Variants in ANKHD1 observed in about 807,000 individuals in gnomAD.
The protein encoded by ANKHD1 is ankyrin repeat and KH domain-containing protein 1.
In ANKHD1, 31 loss-of-function variants were observed where a neutral mutation model predicts 230.5. That is an observed-to-expected ratio of 0.13 (90% confidence interval 0.10 to 0.18). ANKHD1 has a LOEUF of 0.18. ANKHD1 is among the 10% of genes least tolerant of loss of function. ANKHD1 has a pLI of 1.00. For synonymous variants in ANKHD1, 1,074 were observed against 1,117.6 expected, an observed-to-expected ratio of 0.96 and a Z score of 0.78; for missense variants, 2,256 against 3,071.3, an observed-to-expected ratio of 0.73 and a Z score of 6.27.
At chr5:140,466,191 A>G (rs1476382682) in intron 10 of ANKHD1, among the ~76,000 whole-genome samples, 1 of 152,096 alleles carries the variant, frequency 6.6e-6, no homozygotes, top group Non-Finnish European at 1.5e-5. Context: ...CAGGTGTTAA[A>G]GACCAGCCGG....
At chr5:140,526,742 C>T (rs1461490426) in intron 26 of ANKHD1, among the ~76,000 whole-genome samples, 186 bp from the exon 27 acceptor site, 1 of 152,106 alleles carries the variant, frequency 6.6e-6, no homozygotes, top group Non-Finnish European at 1.5e-5. Context: ...GCATCTGAAT[C>T]CATTTTAATA....
Position 140,526,333 on chromosome 5 carries a change from A to C in ANKHD1, c.4830A>C (p.Lys1610Asn). The change falls in exon 26 of 34, where the codon AAA becomes AAC. Residue 1610 changes from lysine to asparagine, a missense_variant. Transcript: ENST00000360839. ...DCNSESSSGG[K>N]SQELNFVMDV... The stretch of plus-strand genomic sequence containing the variant: ...ACAGTGAGAGTAGCAGTGGTGGTAA[A>C]AGCCAAGAGTTAAATTTTGTGATGG... The C allele has an allele frequency of 6.2e-7, 1 of 1,614,180 alleles. No individual in the cohort carries two copies. The highest frequency in any genetic ancestry group is 8.5e-7 in the Non-Finnish European group (1 of 1,180,020).
chr5:140,479,788 G>A (rs143832802), intron 10 of ANKHD1, among the ~76,000 whole-genome samples: 21 of 149,472 alleles, frequency 1.4e-4, no homozygotes, highest in African/African-American at 4.9e-4. Context: ...ATATGTGTGT[G>A]TGTATATAAT....
At chr5:140,460,482 C>T (rs1262850525) in intron 9 of ANKHD1, among the ~76,000 whole-genome samples, 1 of 151,930 alleles carries the variant, frequency 6.6e-6, no homozygotes, top group African/African-American at 2.4e-5. Context: ...TCAGTTTTTC[C>T]TTTGAATTAT....
rs201801096 is a variant in ANKHD1, at chr5:140,524,254, C to T, written c.4492+14C>T. On this transcript the variant is annotated intron_variant, in intron 25 of 33. Coordinates refer to ENST00000360839, the MANE Select transcript of ANKHD1 (RefSeq NM_017747.3). ...ATGATGAAGATGGTGAGAAACAAAC[C>T]ATCTGAATTAACGATAAAATTCTCC... is the stretch of plus-strand genomic sequence containing the variant. The T allele has an allele frequency of 4.3e-5, 67 of 1,550,330 alleles. No individual in the cohort carries two copies. The East Asian group carries it at 1.4e-3, about 31-fold the overall frequency.
At position 140,401,835 on chromosome 5, in the gene ANKHD1, T is replaced by A; in HGVS notation, c.-133T>A. On this transcript the variant is annotated 5_prime_UTR_variant, in exon 1 of 34. Transcript: ENST00000360839. ...GGGCGGGAGGCAGCAGGTTAGGCAGTGAGAAGTTAGTGGCGCTGCTGGGAC... is the reference window on the plus strand; with the variant it reads ...GGGCGGGAGGCAGCAGGTTAGGCAGAGAGAAGTTAGTGGCGCTGCTGGGAC... 1 of 1,379,928 alleles carries A rather than the reference T, an allele frequency of 7.2e-7. No homozygotes were observed. Among genetic ancestry groups the A allele is most frequent in the Non-Finnish European group, 9.4e-7 (1 of 1,067,728 alleles). 85.5% of individuals were successfully genotyped at this position (1,379,928 alleles called of 1,614,324 possible).
chr5:140,427,602 C>A (rs1392274432), intron 1 of ANKHD1, among the ~76,000 whole-genome samples: 1 of 139,820 alleles, frequency 7.2e-6, no homozygotes, highest in South Asian at 2.3e-4. Flanking sequence ...GGGGGGCTGA[C>A]GCCCCCACCT....
At chr5:140,433,414 C>T (rs1244656315) in intron 1 of ANKHD1, among the ~76,000 whole-genome samples, 2 of 152,184 alleles carry the variant, frequency 1.3e-5, no homozygotes, top group Non-Finnish European at 2.9e-5. Context: ...AAATATACTT[C>T]CTCTTCTGCC....
intron 14 of ANKHD1, among the ~76,000 whole-genome samples, chr5:140,493,775 A>C (rs947746566): frequency 1.1e-4 from 16 of 152,242 alleles, no homozygotes; most frequent in African/African-American, 2.6e-4. Context: ...TAGTTTGTCT[A>C]TTCATAAATT....
intron 7 of ANKHD1, among the ~76,000 whole-genome samples, chr5:140,455,804 C>G (rs1775134696): frequency 6.6e-6 from 1 of 152,174 alleles, no homozygotes; most frequent in Admixed American, 6.5e-5. Flanking sequence ...AAAAGTGGCA[C>G]AAGACAGGCA....
chr5:140,473,403 A>C (rs1750777755), intron 10 of ANKHD1, among the ~76,000 whole-genome samples: 1 of 151,788 alleles, frequency 6.6e-6, no homozygotes, highest in Non-Finnish European at 1.5e-5. Flanking sequence ...TTAAATGAGA[A>C]GCTGTTTTAT....
At position 140,513,360 on chromosome 5, in the gene ANKHD1, T is replaced by G; in HGVS notation, c.4201-3T>G. ...ATTTACATAATTCTATTTCCTGCTG[T>G]AGGAACTGTTGAAAAAATGTCATCA... is the stretch of plus-strand genomic sequence containing the variant. On this transcript the variant is annotated splice_polypyrimidine_tract_variant and splice_region_variant and intron_variant, in intron 23 of 33. Coordinates refer to ENST00000360839, the MANE Select transcript of ANKHD1 (RefSeq NM_017747.3). The G allele has an allele frequency of 6.2e-7, 1 of 1,607,888 alleles. No homozygotes were observed. Among genetic ancestry groups the G allele is most frequent in the East Asian group, 2.2e-5 (1 of 44,694 alleles).
chr5:140,402,470 G>A (rs939568652), intron 1 of ANKHD1, among the ~76,000 whole-genome samples, 197 bp downstream of exon 1: 1 of 152,184 alleles, frequency 6.6e-6, no homozygotes, highest in African/African-American at 2.4e-5. Flanking sequence ...ACAGGTTCCC[G>A]TCACCATTCG....
At chr5:140,522,261 A>G (rs1753384969) in intron 24 of ANKHD1, among the ~76,000 whole-genome samples, 1 of 152,206 alleles carries the variant, frequency 6.6e-6, no homozygotes, top group African/African-American at 2.4e-5. Flanking sequence ...AAATGTTTTC[A>G]AAATTCATCC....
intron 24 of ANKHD1, among the ~76,000 whole-genome samples, chr5:140,516,586 A>T (rs1298655151): frequency 6.6e-6 from 1 of 152,178 alleles, no homozygotes; most frequent in Non-Finnish European, 1.5e-5. Flanking sequence ...CTAACAGCAG[A>T]TCTCTCGGCA....
In ANKHD1 at chr5:140,532,720, G is replaced by T. The variant is rs148656057; in HGVS notation, c.6851-2642G>T. On this transcript the variant is annotated intron_variant, in intron 29 of 33. Transcript: ENST00000360839. ...ATAACTTTAAATGAGTAAATTGTAT[G>T]GTTTGTGAATTAAATCTCAGTAAAG... 8.3e-4 allele frequency: 283 copies of T among 341,396 alleles called. 3 individuals are homozygous for T. Among genetic ancestry groups the T allele is most frequent in the Non-Finnish European group, 2.3e-4 (40 of 171,846 alleles). 21.1% of individuals were successfully genotyped at this position (341,396 alleles called of 1,614,324 possible). A position where few individuals can be genotyped will look rare whatever the true frequency, so the allele number is the denominator to read the frequency against.
At chr5:140,455,747 C>T (rs1293442059) in intron 7 of ANKHD1, among the ~76,000 whole-genome samples, 1 of 152,186 alleles carries the variant, frequency 6.6e-6, no homozygotes, top group East Asian at 1.9e-4. Context: ...GACAACCCCA[C>T]AGCCAATATC....
intron 14 of ANKHD1, among the ~76,000 whole-genome samples, chr5:140,495,466 C>G (rs1751991666): frequency 6.6e-6 from 1 of 151,916 alleles, no homozygotes; most frequent in African/African-American, 2.4e-5. Flanking sequence ...AGGATGGTCT[C>G]GATCTCCTGA....
chr5:140,520,034 C>A (rs1415986671), intron 24 of ANKHD1, among the ~76,000 whole-genome samples: 4 of 150,376 alleles, frequency 2.7e-5, no homozygotes, highest in Non-Finnish European at 6.0e-5. Context: ...ACTCATCTGA[C>A]AAAGGGCTAA....
Sources: gnomAD v4.1 joint callset for allele counts (sites outside exome capture counted in the v4.1 genomes callset) on GRCh38, gnomAD v4.1.1 for gene constraint, MANE v1.5 for transcripts, NCBI Gene and HGNC (gene_info 2026-07-23, HGNC 2026-07-21) for gene names.